The following MBTD1 variants were observed in gnomAD, a reference collection of about 807,000 sequenced individuals.
The protein encoded by MBTD1 is MBT domain-containing protein 1.
A neutral mutation model predicts 87.8 loss-of-function variants in MBTD1; 24 were observed. The observed-to-expected ratio is 0.27, with a 90% CI of 0.20 to 0.38. The LOEUF (loss-of-function observed/expected upper bound fraction) is 0.38, where lower values mean the gene tolerates loss of function less well. MBTD1 is among the 10% of genes least tolerant of loss of function. The probability of loss-of-function intolerance (pLI) is 1.00; values close to 1 mark genes in which losing one functional copy is unlikely to be tolerated. For missense variants in MBTD1, 436 were observed against 760.2 expected, an observed-to-expected ratio of 0.57 and a Z score of 5.02; for synonymous variants, 237 against 248.6, an observed-to-expected ratio of 0.95 and a Z score of 0.44.
At chr17:51,212,438 CTTTTTTT>C (rs59653419) in intron 6 of MBTD1, among the ~76,000 whole-genome samples, 1 of 136,264 alleles carries the variant, frequency 7.3e-6, no homozygotes, top group African/African-American at 2.7e-5. Flanking sequence ...GTACAAATGA[CTTTTTTT>C]TTTTTTTTTG....
chr17:51,199,648 A>T (rs2145172556), intron 12 of MBTD1, among the ~76,000 whole-genome samples: 1 of 151,184 alleles, frequency 6.6e-6, no homozygotes, highest in African/African-American at 2.4e-5. Context: ...CACCATATTG[A>T]CCAGGCTGGT....
intron 13 of MBTD1, among the ~76,000 whole-genome samples, chr17:51,194,507 T>C (rs2050972490): frequency 7.7e-6 from 1 of 129,918 alleles, no homozygotes; most frequent in African/African-American, 3.0e-5. Context: ...AGGCGGAGGC[T>C]GTAAAGAGGT....
intron 16 of MBTD1, chr17:51,183,623 G>T (rs1412442229): frequency 6.6e-6 from 1 of 152,212 alleles, no homozygotes; most frequent in African/African-American, 2.4e-5. Flanking sequence ...ACACCCATCA[G>T]ACTGTTCAAA....
chr17:51,220,521 C>T lies in MBTD1; in HGVS notation c.155-58G>A, dbSNP rs181091248. 22 of 1,408,956 alleles carry T rather than the reference C, an allele frequency of 1.6e-5. 1 individual carries two copies. The Admixed American group carries it at 5.7e-4, about 36-fold the overall frequency. The allele number at this position is 1,408,956 out of a possible 1,614,324, so 87.3% of individuals were successfully genotyped here. On this transcript the variant is annotated intron_variant, in intron 3 of 16. Coordinates refer to ENST00000586178, the MANE Select transcript of MBTD1 (RefSeq NM_017643.3). ...ATGATATAATAAAATCAATCTTCAT[C>T]TAACAGTTTAAATAATTTCTCCTGC...
chr17:51,226,445 G>T (rs901561790), intron 2 of MBTD1, among the ~76,000 whole-genome samples: 2 of 151,420 alleles, frequency 1.3e-5, no homozygotes, highest in African/African-American at 4.8e-5. Flanking sequence ...GGAGGTTGCA[G>T]TGAGTTGAGA....
At chr17:51,213,611 C>T (rs1203694338) in intron 6 of MBTD1, among the ~76,000 whole-genome samples, 1 of 151,384 alleles carries the variant, frequency 6.6e-6, no homozygotes, top group Non-Finnish European at 1.5e-5. Context: ...AATTATAGTC[C>T]AGCTACTCAA....
At chr17:51,239,250 C>T (rs1381021413) in intron 2 of MBTD1, among the ~76,000 whole-genome samples, 2 of 152,082 alleles carry the variant, frequency 1.3e-5, no homozygotes, top group African/African-American at 4.8e-5. Flanking sequence ...CTATTTGTAT[C>T]AACTAATACA....
At chr17:51,212,700 G>A (rs1228704275) in intron 6 of MBTD1, among the ~76,000 whole-genome samples, 1 of 152,152 alleles carries the variant, frequency 6.6e-6, no homozygotes, top group Non-Finnish European at 1.5e-5. Flanking sequence ...ATGGGAAATA[G>A]AAGTGCTTCA....
intron 7 of MBTD1, among the ~76,000 whole-genome samples, chr17:51,205,526 G>C (rs1447947512): frequency 6.6e-6 from 1 of 152,150 alleles, no homozygotes; most frequent in East Asian, 1.9e-4. Flanking sequence ...ATACAGCTGG[G>C]AAAATGTTTC....
intron 6 of MBTD1, among the ~76,000 whole-genome samples, chr17:51,210,287 G>A (rs1406151136): frequency 6.6e-6 from 1 of 152,130 alleles, no homozygotes; most frequent in Non-Finnish European, 1.5e-5. Context: ...CACTGTGCCT[G>A]TCCTCTACTC....
Position 51,245,832 on chromosome 17 carries a change from G to A in MBTD1, c.-49+13311C>T, listed in dbSNP as rs1403288748. Among the ~76,000 whole-genome samples, 3 of 152,058 alleles carry A rather than the reference G, an allele frequency of 2.0e-5. No homozygotes were observed. The East Asian group carries it at 5.8e-4, about 29-fold the overall frequency. On this transcript the variant is annotated intron_variant, in intron 2 of 16. Transcript: ENST00000586178. ...TTTTAATGTTTTTACATTCTTGCAT[G>A]TTTATTTTTCCAAGTGCACTTCAAG...
chr17:51,235,708 A>T (rs2053792579), intron 2 of MBTD1, among the ~76,000 whole-genome samples: 2 of 152,214 alleles, frequency 1.3e-5, no homozygotes, highest in African/African-American at 4.8e-5. Context: ...CAGAAAAATT[A>T]ACATTATTAA....
At position 51,225,001 on chromosome 17, in the gene MBTD1, T is replaced by C. The variant is rs1461800280; in HGVS notation, c.154+7A>G. 2.0e-6 allele frequency: 3 copies of C among 1,536,626 alleles called. No individual in the cohort carries two copies. Among genetic ancestry groups the C allele is most frequent in the Non-Finnish European group, 2.6e-6 (3 of 1,137,394 alleles). ...CTGTAGAACAGGTGAAGGTTATAAA[T>C]ACTCACCCATGCCAGATTTACCATC... On this transcript the variant is annotated splice_region_variant and intron_variant, in intron 3 of 16. Transcript: ENST00000586178.
intron 2 of MBTD1, among the ~76,000 whole-genome samples, chr17:51,257,002 T>C (rs2144299621): frequency 6.6e-6 from 1 of 152,328 alleles, no homozygotes. Flanking sequence ...CCTTTTATTG[T>C]GGGTTCCAGC....
chr17:51,227,727 A>G (rs1171983087), intron 2 of MBTD1, among the ~76,000 whole-genome samples: 1 of 152,128 alleles, frequency 6.6e-6, no homozygotes, highest in Non-Finnish European at 1.5e-5. Flanking sequence ...AGGCGGGGAG[A>G]TCACCTGAGG....
chr17:51,244,187 A>C (rs778345811), intron 2 of MBTD1, among the ~76,000 whole-genome samples: 14 of 152,234 alleles, frequency 9.2e-5, no homozygotes, highest in African/African-American at 1.4e-4. Context: ...GTGCCAAACC[A>C]AACATTAATA....
At chr17:51,254,264 G>A (rs1240636118) in intron 2 of MBTD1, among the ~76,000 whole-genome samples, 2 of 152,298 alleles carry the variant, frequency 1.3e-5, no homozygotes, top group Non-Finnish European at 1.5e-5. Context: ...CTATGAGGAT[G>A]AAAGCACATT....
chr17:51,260,618 G>T (rs200641862), upstream of MBTD1: 78 of 1,612,602 alleles, frequency 4.8e-5, no homozygotes, highest in Middle Eastern at 3.3e-4. Context: ...AATGAAACTG[G>T]ACCGGAGAAC....
Position 51,179,492 on chromosome 17 carries a change from A to ATATATATATATATATTTT in MBTD1, c.*1083_*1084insAAAATATATATATATATA, listed in dbSNP as rs1568135612. On this transcript the variant is annotated 3_prime_UTR_variant, in exon 17 of 17. Transcript: ENST00000586178. Reference sequence around the variant, plus strand: ...TACAATTAAAGACAATTTTATATATATATATATATATATATATATATATAT... The same window carrying ATATATATATATATATTTT: ...TACAATTAAAGACAATTTTATATATATATATATATATATATTTTTATATATATATATATATATATATAT... The ATATATATATATATATTTT allele has an allele frequency of 9.7e-5, 3 of 30,972 alleles. No individual in the cohort carries two copies. The highest frequency in any genetic ancestry group is 2.0e-4 in the Non-Finnish European group (3 of 15,042). The allele number at this position is 30,972 out of a possible 1,614,324, so 1.9% of individuals were successfully genotyped here.
Sources: allele counts gnomAD v4.1 joint callset (sites outside exome capture counted in the v4.1 genomes callset), GRCh38; gene constraint gnomAD v4.1.1; transcripts MANE v1.5; gene names NCBI Gene and HGNC (gene_info 2026-07-23, HGNC 2026-07-21).